Variants in TRIM3 observed in about 807,000 individuals in gnomAD.
TRIM3 encodes the protein tripartite motif containing 3.
In TRIM3, 13 loss-of-function variants were observed where a neutral mutation model predicts 66.6. The ratio of observed to expected loss-of-function variants is 0.20; its 90% CI spans 0.13 to 0.31. The LOEUF (loss-of-function observed/expected upper bound fraction) is 0.31, where lower values mean the gene tolerates loss of function less well. Ranked by LOEUF, TRIM3 falls within the 10% of genes least tolerant of loss-of-function variation. TRIM3 has a pLI of 1.00. For synonymous variants in TRIM3, 406 were observed against 411.7 expected (o/e 0.99, Z 0.17); for missense variants, 711 against 1,020.4 (o/e 0.70, Z 4.13).
Position 6,457,584 on chromosome 11 carries a change from C to G in TRIM3, c.516-108G>C. ...CCTCATGGAGATCTCCTTCCTGAGACCTCCCTGAGACTTCCATCTCTGCCC... is the reference window on the plus strand; with the variant it reads ...CCTCATGGAGATCTCCTTCCTGAGAGCTCCCTGAGACTTCCATCTCTGCCC... On this transcript the variant is annotated intron_variant, in intron 4 of 11. Transcript: ENST00000345851. This position sits in a 1 kb window ranked among gnomAD's most constrained non-coding sequence, Gnocchi z 4.5. The G allele has an allele frequency of 6.5e-7, 1 of 1,545,288 alleles. No homozygotes were observed. The highest frequency in any genetic ancestry group is 1.2e-5 in the South Asian group (1 of 82,850).
In TRIM3 at chr11:6,466,593, GT is replaced by G. The variant is rs77979367; in HGVS notation, c.-37-862del. Among the ~76,000 whole-genome samples the G allele has an allele frequency of 8.2e-3, 1,142 of 139,906 alleles. 9 individuals are homozygous for G. The highest frequency in any genetic ancestry group is 0.014 in the South Asian group (60 of 4,358). The allele number at this position is 139,906 out of a possible 152,430, so 91.8% of individuals were successfully genotyped here. On this transcript the variant is annotated intron_variant, in intron 1 of 11. Coordinates refer to ENST00000345851, the MANE Select transcript of TRIM3 (RefSeq NM_033278.4). ...GTCTATGATCAATCATTCCTGCTGG[GT>G]TTTTTTTTTTTTTTTCCAGTTCCTG...
In TRIM3 at chr11:6,451,312, TG is replaced by T; in HGVS notation, c.1659del (p.Asp553GlufsTer31). The T allele has an allele frequency of 6.2e-7, 1 of 1,614,164 alleles. No individual in the cohort carries two copies. The highest frequency in any genetic ancestry group is 8.5e-7 in the Non-Finnish European group (1 of 1,180,030). ...TNGDIIVADY[D>X]NRWVSIFSPE... ...GGGGAGAAGATGCTGACCCAACGGT[TG>T]TCATAGTCTGCCACAATTATGTCTC... On this transcript the variant is annotated frameshift_variant, in exon 8 of 12. Transcript: ENST00000345851. LOFTEE classifies it high-confidence loss of function.
At chr11:6,469,342 C>G (rs952358217) in intron 1 of TRIM3, among the ~76,000 whole-genome samples, 4 of 152,182 alleles carry the variant, frequency 2.6e-5, no homozygotes, top group Non-Finnish European at 5.9e-5. Context: ...GCTTCAGTTC[C>G]CCTCCCAGAC....
chr11:6,460,871 TTTTC>T (rs1487821183), intron 2 of TRIM3, among the ~76,000 whole-genome samples: 4 of 151,520 alleles, frequency 2.6e-5, no homozygotes, highest in African/African-American at 7.3e-5. Context: ...TTTAATTGTG[TTTTC>T]TTTGTTTTTG....
Position 6,450,304 on chromosome 11 carries a change from G to T in TRIM3, c.1941+247C>A. 1.9e-6 allele frequency: 1 copy of T among 530,800 alleles called. No homozygotes were observed. The highest frequency in any genetic ancestry group is 3.4e-6 in the Non-Finnish European group (1 of 298,192). 32.9% of individuals were successfully genotyped at this position (530,800 alleles called of 1,614,324 possible). A position where few individuals can be genotyped will look rare whatever the true frequency, so the allele number is the denominator to read the frequency against. On this transcript the variant is annotated intron_variant, in intron 10 of 11. Coordinates refer to ENST00000345851, the MANE Select transcript of TRIM3 (RefSeq NM_033278.4). This position sits in a 1 kb window ranked among gnomAD's most constrained non-coding sequence, Gnocchi z 4.8. ...TATTACATCATATTGTAATTTTTTG[G>T]TTACCTTTTTCTCTTCCCTACTAGA...
At chr11:6,469,581 G>C (rs761324547) in intron 1 of TRIM3, among the ~76,000 whole-genome samples, 7 of 152,124 alleles carry the variant, frequency 4.6e-5, no homozygotes, top group Non-Finnish European at 8.8e-5. Context: ...TCCCTGTATT[G>C]GTTATTCCCA....
chr11:6,472,880 C>T (rs1387050300), intron 1 of TRIM3, among the ~76,000 whole-genome samples: 1 of 152,182 alleles, frequency 6.6e-6, no homozygotes, highest in Non-Finnish European at 1.5e-5. Context: ...TCCAATTCTG[C>T]AGCAAATCAT....
intron 1 of TRIM3, 88 bp from the exon 2 acceptor site, chr11:6,465,820 G>A: frequency 8.0e-7 from 1 of 1,245,116 alleles, no homozygotes; most frequent in African/African-American, 1.5e-5. Context: ...CAGAGAACTT[G>A]CCCCCACCTC....
intron 1 of TRIM3, among the ~76,000 whole-genome samples, chr11:6,467,896 A>G (rs982709628): frequency 2.6e-5 from 4 of 152,390 alleles, no homozygotes; most frequent in Admixed American, 2.6e-4. Flanking sequence ...CCAGAGTGGA[A>G]TCAGAGAAAA....
intron 7 of TRIM3, 74 bp from the exon 8 acceptor site, chr11:6,451,512 T>G: frequency 4.6e-6 from 7 of 1,526,048 alleles, no homozygotes; most frequent in Non-Finnish European, 6.2e-6. Context: ...GGGAGTAGGA[T>G]CCTGAGGGAG....
rs1469617490 is a variant in TRIM3 at position 6,465,550 on chromosome 11, C to T, written c.131+15G>A. On this transcript the variant is annotated intron_variant, in intron 2 of 11. Coordinates refer to ENST00000345851, the MANE Select transcript of TRIM3 (RefSeq NM_033278.4). Reference sequence around the variant, plus strand: ...ACAGGGTCCTCATCCCTCCCCAGTACACACATCCCCTCACCTCTCACAGAA... The same window carrying T: ...ACAGGGTCCTCATCCCTCCCCAGTATACACATCCCCTCACCTCTCACAGAA... The T allele has an allele frequency of 2.0e-5, 32 of 1,613,948 alleles. No homozygotes were observed. Among genetic ancestry groups the T allele is most frequent in the South Asian group, 7.7e-5 (7 of 91,080 alleles).
At chr11:6,468,092 T>C (rs1201027471) in intron 1 of TRIM3, among the ~76,000 whole-genome samples, 3 of 152,204 alleles carry the variant, frequency 2.0e-5, no homozygotes, top group Non-Finnish European at 4.4e-5. Context: ...GAGATCAGTC[T>C]GGGCAACATA....
Position 6,458,456 on chromosome 11 carries a change from A to G in TRIM3, c.132-160T>C. 1.6e-6 allele frequency: 1 copy of G among 636,992 alleles called. No individual in the cohort carries two copies. Among genetic ancestry groups the G allele is most frequent in the South Asian group, 2.0e-5 (1 of 50,870 alleles). The allele number at this position is 636,992 out of a possible 1,614,324, so 39.5% of individuals were successfully genotyped here. On this transcript the variant is annotated intron_variant, in intron 2 of 11. Coordinates refer to ENST00000345851, the MANE Select transcript of TRIM3 (RefSeq NM_033278.4). The surrounding 1 kb of genome is among the most constrained non-coding windows in gnomAD (Gnocchi z 6.2). ...ACACATCTCATCTGCCAGCAGGTATAATGGCCTTGCCCCTTACAACTGAGT... is the reference window on the plus strand; with the variant it reads ...ACACATCTCATCTGCCAGCAGGTATGATGGCCTTGCCCCTTACAACTGAGT...
At chr11:6,461,460 A>T (rs1589833372) in intron 2 of TRIM3, among the ~76,000 whole-genome samples, 3 of 148,302 alleles carry the variant, frequency 2.0e-5, no homozygotes, top group Admixed American at 6.7e-5. Flanking sequence ...CTCTTGGCTC[A>T]CTCTCTTCTT....
chr11:6,462,408 T>A (rs899425257), intron 2 of TRIM3, among the ~76,000 whole-genome samples: 9 of 152,046 alleles, frequency 5.9e-5, no homozygotes, highest in South Asian at 2.1e-4. Flanking sequence ...TCTTTTTTTT[T>A]ATTTGTTTAT....
intron 1 of TRIM3, among the ~76,000 whole-genome samples, chr11:6,466,030 T>C (rs1850450013): frequency 6.6e-6 from 1 of 152,232 alleles, no homozygotes; most frequent in African/African-American, 2.4e-5. Flanking sequence ...ATTACAGGAA[T>C]AATAATTTGA....
chr11:6,469,090 G>A (rs970214315), intron 1 of TRIM3, among the ~76,000 whole-genome samples: 1 of 152,222 alleles, frequency 6.6e-6, no homozygotes, highest in Admixed American at 6.5e-5. Flanking sequence ...AACATAGCAG[G>A]AGGGAGGACA....
At chr11:6,470,696 T>C (rs983975453) in intron 1 of TRIM3, among the ~76,000 whole-genome samples, 3 of 152,122 alleles carry the variant, frequency 2.0e-5, no homozygotes, top group African/African-American at 7.2e-5. Context: ...GACATGAATG[T>C]GGATGTTGGT....
chr11:6,460,723 T>C (rs1850189338), intron 2 of TRIM3, among the ~76,000 whole-genome samples: 1 of 152,050 alleles, frequency 6.6e-6, no homozygotes, highest in Non-Finnish European at 1.5e-5. Flanking sequence ...ATTTGTGGAG[T>C]GAAGATCTGC....
Sources: gnomAD v4.1 joint callset for allele counts (sites outside exome capture counted in the v4.1 genomes callset) on GRCh38, gnomAD v4.1.1 for gene constraint, Gnocchi (gnomAD v3.1) non-coding constraint, MANE v1.5 for transcripts, NCBI Gene and HGNC (gene_info 2026-07-23, HGNC 2026-07-21) for gene names.